The following SALL4 variants were observed in gnomAD, a reference collection of about 807,000 sequenced individuals.
The protein encoded by SALL4 is spalt like transcription factor 4, also known as sal-like protein 4.
Under a neutral mutation model 60.8 loss-of-function variants are expected in SALL4, and 4 were observed. The observed-to-expected ratio is 0.07, with a 90% CI of 0.03 to 0.15. SALL4 has a LOEUF of 0.15. Ranked by LOEUF, SALL4 falls within the 10% of genes least tolerant of loss-of-function variation. SALL4 has a pLI of 1.00. For missense variants in SALL4, 1,178 were observed against 1,394.7 expected (o/e 0.84, Z 2.48); for synonymous variants, 580 against 574.9 (o/e 1.01, Z -0.13).
chr20:51,798,645 G>A lies in SALL4; in HGVS notation c.130+3634C>T, dbSNP rs190631721. ...CAGGGTAGTACAACCCAGAGAAGCCGACCAAACTCCAACATTGTTTTATTT... is the reference window on the plus strand; with the variant it reads ...CAGGGTAGTACAACCCAGAGAAGCCAACCAAACTCCAACATTGTTTTATTT... On this transcript the variant is annotated intron_variant, in intron 1 of 3. Coordinates refer to ENST00000217086, the MANE Select transcript of SALL4 (RefSeq NM_020436.5). Among the ~76,000 whole-genome samples the A allele has an allele frequency of 1.7e-3, 257 of 152,092 alleles. 2 individuals are homozygous for A. The highest frequency in any genetic ancestry group is 4.7e-3 in the Admixed American group (72 of 15,238).
chr20:51,790,356 G>A lies in SALL4; in HGVS notation c.2127C>T (p.Pro709=), dbSNP rs764693131. 22 of 1,614,128 alleles carry A rather than the reference G, an allele frequency of 1.4e-5. No individual in the cohort carries two copies. The highest frequency in any genetic ancestry group is 1.9e-5 in the Non-Finnish European group (22 of 1,180,028). The change falls in exon 2 of 4, where the codon CCC becomes CCT. Residue 709 remains proline, a synonymous_variant. Transcript: ENST00000217086. The surrounding 1 kb of genome is among the most constrained non-coding windows in gnomAD (Gnocchi z 5.5). ...CCGAGTGGATGCTGGGAAGAGGCGT[G>A]GGGACCTTGGAGGAGCTGCTGGGAG... The part of the protein sequence containing the change: ...QEAPSSSSKV[P]TPLPSIHSAS...
At position 51,784,950 on chromosome 20, in the gene SALL4, TAC is replaced by T. The variant is rs2077981488; in HGVS notation, c.2743-268_2743-267del. Reference sequence around the variant, plus strand: ...CACACTCAGAACATTTGCATTAGCTTACAGTTAGGCAAAATCATCTAACGCAA... The same window carrying T: ...CACACTCAGAACATTTGCATTAGCTTAGTTAGGCAAAATCATCTAACGCAA... On this transcript the variant is annotated intron_variant, in intron 3 of 3. Transcript: ENST00000217086. Among the ~76,000 whole-genome samples the T allele has an allele frequency of 2.0e-5, 3 of 152,318 alleles. No homozygotes were observed. In the South Asian group the frequency reaches 6.2e-4, roughly 32 times the overall value.
rs758373411 is a variant in SALL4 at position 51,789,030 on chromosome 20, A to C, written c.2573T>G (p.Leu858Trp). Residue 858 changes from leucine to tryptophan, a missense_variant, in exon 3 of 4, where the codon TTG (leucine) becomes TGG (tryptophan). Physicochemically the swap from Leu to Trp is moderately conservative, Grantham distance 61. Transcript: ENST00000217086. ...CTGTCGGCGTGGCTGGGCTGCTAAC[A>C]AAGGGGTCATCCCTGGGGACAATGT... The part of the protein sequence containing the change: ...PSTLSPGMTP[L>W]LAAQPRRQAK... The C allele has an allele frequency of 1.7e-5, 27 of 1,614,072 alleles. No individual in the cohort carries two copies. The East Asian group carries it at 5.3e-4, about 32-fold the overall frequency.
At position 51,788,441 on chromosome 20, in the gene SALL4, A is replaced by G. The variant is rs534566044; in HGVS notation, c.2742+420T>C. On this transcript the variant is annotated intron_variant, in intron 3 of 3. Transcript: ENST00000217086. This position sits in a 1 kb window ranked among gnomAD's most constrained non-coding sequence, Gnocchi z 4.1. ...TGCAGTGGCTCATGCCTGTAATCCC[A>G]GCACTTTGGGAGGCCGAGGCAGGCG... 4.6e-5 allele frequency among the ~76,000 whole-genome samples: 7 copies of G among 152,000 alleles called. No homozygotes were observed. The highest frequency in any genetic ancestry group is 8.8e-5 in the Non-Finnish European group (6 of 67,998).
intron 1 of SALL4, among the ~76,000 whole-genome samples, chr20:51,798,876 A>C (rs187909128): frequency 1.3e-5 from 2 of 149,884 alleles, no homozygotes; most frequent in Admixed American, 6.6e-5. Context: ...AAAACAAAAC[A>C]AAAAAAACAG....
rs760438840 is a variant in SALL4, at chr20:51,791,031, C to G, written c.1452G>C (p.Gly484=). The G allele has an allele frequency of 6.2e-7, 1 of 1,614,130 alleles. No homozygotes were observed. Among genetic ancestry groups the G allele is most frequent in the South Asian group, 1.1e-5 (1 of 91,084 alleles). The part of the protein sequence containing the change: ...SKPVLVTTSV[G]LPQNLSSGTN... ...TCCCCGAAGAAAGATTCTGAGGTAGCCCTACAGAGGTGGTTACAAGGACAG... is the reference window on the plus strand; with the variant it reads ...TCCCCGAAGAAAGATTCTGAGGTAGGCCTACAGAGGTGGTTACAAGGACAG... Residue 484 remains glycine (G), a synonymous_variant, in exon 2 of 4, where the codon GGG becomes GGC. Transcript: ENST00000217086. This position sits in a 1 kb window ranked among gnomAD's most constrained non-coding sequence, Gnocchi z 4.6.
chr20:51,784,704 A>C lies in SALL4; in HGVS notation c.2743-20T>G, dbSNP rs2077980169. 1 of 1,614,156 alleles carries C rather than the reference A, an allele frequency of 6.2e-7. No homozygotes were observed. The highest frequency in any genetic ancestry group is 1.3e-5 in the African/African-American group (1 of 75,058). ...GTGAACCTATGGGAACAGGACAGAA[A>C]GGTTTTTACCAAAATAGAGATTTGA... On this transcript the variant is annotated intron_variant, in intron 3 of 3. Transcript: ENST00000217086.
chr20:51,797,252 T>TA (rs2078084420), intron 1 of SALL4, among the ~76,000 whole-genome samples: 1 of 151,878 alleles, frequency 6.6e-6, no homozygotes, highest in Non-Finnish European at 1.5e-5. Flanking sequence ...TAGCTGATAT[T>TA]ACTAAGTTAA....
intron 1 of SALL4, among the ~76,000 whole-genome samples, chr20:51,796,501 T>A (rs1456216796): frequency 6.6e-6 from 1 of 152,222 alleles, no homozygotes; most frequent in African/African-American, 2.4e-5. Flanking sequence ...CCGTGTCTTT[T>A]ATGTGTGGCC....
Position 51,791,693 on chromosome 20 carries a change from T to C in SALL4, c.790A>G (p.Met264Val), listed in dbSNP as rs751883856. 8 of 1,614,088 alleles carry C rather than the reference T, an allele frequency of 5.0e-6. No homozygotes were observed. In the East Asian group the frequency reaches 6.7e-5, roughly 13 times the overall value. The change falls in exon 2 of 4, where the codon ATG becomes GTG. Residue 264 changes from methionine (M) to valine (V), a missense_variant. By Grantham distance (21) the Met-to-Val change is conservative (BLOSUM62 1). Around this residue, in one of 5 missense-constraint regions of SALL4, gnomAD observed 853 missense variants for 1,036.8 expected, o/e 0.82. Coordinates refer to ENST00000217086, the MANE Select transcript of SALL4 (RefSeq NM_020436.5). The surrounding 1 kb of genome is among the most constrained non-coding windows in gnomAD (Gnocchi z 4.6). ...ADTLKTLGSHMSQQVSAAVAL... is the reference protein window; with the variant it reads ...ADTLKTLGSHVSQQVSAAVAL... Reference sequence around the variant, plus strand: ...ACAGCTGCAGAAACCTGCTGAGACATGTGGCTGCCCAAGGTCTTCAGAGTG... The same window carrying C: ...ACAGCTGCAGAAACCTGCTGAGACACGTGGCTGCCCAAGGTCTTCAGAGTG...
At chr20:51,796,222 G>GA (rs1555851597) in intron 1 of SALL4, among the ~76,000 whole-genome samples, 3 of 135,162 alleles carry the variant, frequency 2.2e-5, no homozygotes, top group African/African-American at 5.6e-5. Flanking sequence ...AAGAAAGAAA[G>GA]AAAGAAAAGA....
chr20:51,802,442 T>C lies in SALL4; in HGVS notation c.-34A>G, dbSNP rs2078117179. 3 of 1,612,436 alleles carry C rather than the reference T, an allele frequency of 1.9e-6. No homozygotes were observed. The highest frequency in any genetic ancestry group is 2.5e-6 in the Non-Finnish European group (3 of 1,179,800). The stretch of plus-strand genomic sequence containing the variant: ...CATCGGGGCGCCGGGAGAGCCGCAG[T>C]TATTTGCCCTCTCCGCCACAAATTC... On this transcript the variant is annotated 5_prime_UTR_variant, in exon 1 of 4. Coordinates refer to ENST00000217086, the MANE Select transcript of SALL4 (RefSeq NM_020436.5).
chr20:51,795,960 C>T (rs1429221557), intron 1 of SALL4, among the ~76,000 whole-genome samples: 2 of 152,102 alleles, frequency 1.3e-5, no homozygotes, highest in East Asian at 1.9e-4. Context: ...TTTGGGAGGC[C>T]GAGGTGGGTG....
In SALL4 at chr20:51,790,632, T is replaced by C; in HGVS notation, c.1851A>G (p.Arg617=). The C allele has an allele frequency of 1.9e-6, 3 of 1,614,156 alleles. No homozygotes were observed. The highest frequency in any genetic ancestry group is 2.5e-6 in the Non-Finnish European group (3 of 1,180,032). The change falls in exon 2 of 4, where the codon CGA becomes CGG. Residue 617 remains arginine (R), a synonymous_variant. Coordinates refer to ENST00000217086, the MANE Select transcript of SALL4 (RefSeq NM_020436.5). The surrounding 1 kb of genome is among the most constrained non-coding windows in gnomAD (Gnocchi z 5.5). ...GNLKTHLGVH[R]TNTSIKTQHS... ...GCTGCGTCTTAATGGATGTGTTGGT[T>C]CGGTGAACCCCAAGGTGTGTCTTCA...
At chr20:51,798,016 C>A (rs74602339) in intron 1 of SALL4, among the ~76,000 whole-genome samples, 3,448 of 152,134 alleles carry the variant, frequency 0.023, 95 homozygotes, top group East Asian at 0.09. Flanking sequence ...CATCTTCTAC[C>A]CTCCCCCAAC....
intron 1 of SALL4, among the ~76,000 whole-genome samples, 181 bp downstream of exon 1, chr20:51,802,098 A>C (rs554421716): frequency 3.3e-5 from 5 of 151,624 alleles, no homozygotes; most frequent in South Asian, 2.1e-4. Flanking sequence ...AAAGTGTGAA[A>C]TGTGCAAAAG....
chr20:51,802,240 A>G, intron 1 of SALL4, 39 bp downstream of exon 1: 1 of 1,558,844 alleles, frequency 6.4e-7, no homozygotes, highest in Non-Finnish European at 8.7e-7. Flanking sequence ...TACGTCCGGG[A>G]AGCTCCCCTC....
chr20:51,799,301 C>T (rs1284738816), intron 1 of SALL4, among the ~76,000 whole-genome samples: 7 of 152,108 alleles, frequency 4.6e-5, no homozygotes, highest in African/African-American at 7.2e-5. Context: ...AAACAGAAAA[C>T]GCCACCAAGC....
At position 51,783,161 on chromosome 20, in the gene SALL4, G is replaced by A; in HGVS notation, c.*1104C>T. 6.6e-6 allele frequency: 1 copy of A among 152,140 alleles called. No individual in the cohort carries two copies. The highest frequency in any genetic ancestry group is 1.9e-4 in the East Asian group (1 of 5,190). 9.4% of individuals were successfully genotyped at this position (152,140 alleles called of 1,614,324 possible). On this transcript the variant is annotated 3_prime_UTR_variant, in exon 4 of 4. Transcript: ENST00000217086. ...CCAGTTCTTCAATAGAGTAGGCACT[G>A]GCAAACTAAGTCACCTGAGATTCCC...
Sources: gnomAD v4.1 joint callset for allele counts (sites outside exome capture counted in the v4.1 genomes callset) on GRCh38, gnomAD v4.1.1 for gene constraint, gnomAD v4.1.1 regional missense constraint, Gnocchi (gnomAD v3.1) non-coding constraint, MANE v1.5 for transcripts, NCBI Gene and HGNC (gene_info 2026-07-23, HGNC 2026-07-21) for gene names.